The following KCNH6 variants were observed in gnomAD, a reference collection of about 807,000 sequenced individuals.
KCNH6 encodes voltage-gated inwardly rectifying potassium channel KCNH6.
KCNH6 carries 81 observed loss-of-function variants against 83.4 expected under a neutral mutation model. The observed-to-expected ratio is 0.97, with a 90% CI of 0.81 to 1.17. The LOEUF is 1.17. Among genes scored for constraint, KCNH6 ranks in the 50% most tolerant of loss-of-function variants. KCNH6 has a pLI of 0.00. For missense variants in KCNH6, 1,203 were observed against 1,290.5 expected (o/e 0.93, Z 1.04); for synonymous variants, 503 against 545.6 (o/e 0.92, Z 1.09).
chr17:63,542,543 C>T (rs532020402), intron 9 of KCNH6, 109 bp downstream of exon 9: 4 of 926,256 alleles, frequency 4.3e-6, no homozygotes, highest in Non-Finnish European at 6.7e-6. Flanking sequence ...ATCCTGCAAC[C>T]TTTGCCATAA....
In KCNH6 at chr17:63,530,532, A is replaced by T. The variant is rs1464898763; in HGVS notation, c.665A>T (p.Lys222Met). The T allele has an allele frequency of 6.2e-7, 1 of 1,614,004 alleles. No individual in the cohort carries two copies. The highest frequency in any genetic ancestry group is 1.1e-5 in the South Asian group (1 of 91,070). The change falls in exon 4 of 13, where the codon AAG (lysine) becomes ATG (methionine). Residue 222 changes from lysine to methionine, a missense_variant. By Grantham distance (95) the Lys-to-Met change is moderately conservative. Coordinates refer to ENST00000314672, the MANE Select transcript of KCNH6 (RefSeq NM_001278919.2). ...GAGCGGACACAGAACGTCACTGAGA[A>T]GGTCACCCAGGTGCGGGCCTGCAGA... ...VVERTQNVTE[K>M]VTQVLSLGAD... is the part of the protein sequence containing the mutation.
intron 6 of KCNH6, among the ~76,000 whole-genome samples, chr17:63,536,412 G>A (rs1346452113): frequency 6.6e-6 from 1 of 152,216 alleles, no homozygotes; most frequent in Non-Finnish European, 1.5e-5. Context: ...GGACACCAAG[G>A]TGGGTGGGTC....
Position 63,545,186 on chromosome 17 carries a change from C to T in KCNH6, c.2505C>T (p.Asp835=). The change falls in exon 12 of 13, where the codon GAC becomes GAT. Residue 835 remains aspartate (D), a synonymous_variant. Transcript: ENST00000314672. Reference sequence around the variant, plus strand: ...TTCTGGAAGCCCCTGCCTCCAATGACCTGGCCTTGGTTCCTATAGCCTCGG... The same window carrying T: ...TTCTGGAAGCCCCTGCCTCCAATGATCTGGCCTTGGTTCCTATAGCCTCGG... ...SYILEAPASN[D]LALVPIASET... is the part of the protein sequence containing the mutation. 1 of 1,613,868 alleles carries T rather than the reference C, an allele frequency of 6.2e-7. No individual in the cohort carries two copies. The highest frequency in any genetic ancestry group is 8.5e-7 in the Non-Finnish European group (1 of 1,180,034).
In KCNH6 at chr17:63,523,495, T is replaced by A. The variant is rs2031476923; in HGVS notation, c.76+6T>A. The A allele has an allele frequency of 1.9e-6, 3 of 1,587,964 alleles. No homozygotes were observed. The East Asian group carries it at 7.2e-5, about 38-fold the overall frequency. On this transcript the variant is annotated splice_donor_region_variant and intron_variant, in intron 1 of 12. Coordinates refer to ENST00000314672, the MANE Select transcript of KCNH6 (RefSeq NM_001278919.2). The surrounding 1 kb of genome is among the most constrained non-coding windows in gnomAD (Gnocchi z 4.2). ...CCGCAAGTTCGAGGGCCAAAGTGAGTGTGTGTATGTTGGGGCGGGGGGACG... is the reference window on the plus strand; with the variant it reads ...CCGCAAGTTCGAGGGCCAAAGTGAGAGTGTGTATGTTGGGGCGGGGGGACG...
chr17:63,531,593 A>C (rs2032115262), intron 4 of KCNH6, among the ~76,000 whole-genome samples: 1 of 152,204 alleles, frequency 6.6e-6, no homozygotes, highest in Non-Finnish European at 1.5e-5. Context: ...ACCACTCAGC[A>C]CCTCACTGAC....
In KCNH6 at chr17:63,534,212, C is replaced by T. The variant is rs375375839; in HGVS notation, c.1002C>T (p.Pro334=). Residue 334 remains proline (P), a synonymous_variant, in exon 5 of 13, where the codon CCC becomes CCT. Transcript: ENST00000314672. This position sits in a 1 kb window ranked among gnomAD's most constrained non-coding sequence, Gnocchi z 5.0. ...VNTNDEVVSH[P]RRIAVHYFKG... ...CCAATGATGAGGTGGTCAGCCACCC[C>T]CGCCGCATCGCCGTCCACTACTTCA... 22 of 1,614,098 alleles carry T rather than the reference C, an allele frequency of 1.4e-5. No individual in the cohort carries two copies. The Middle Eastern group carries it at 4.9e-4, about 36-fold the overall frequency.
Position 63,523,413 on chromosome 17 carries a change from G to T in KCNH6, c.-1G>T, listed in dbSNP as rs753447413. On this transcript the variant is annotated 5_prime_UTR_variant, in exon 1 of 13. Coordinates refer to ENST00000314672, the MANE Select transcript of KCNH6 (RefSeq NM_001278919.2). The surrounding 1 kb of genome is among the most constrained non-coding windows in gnomAD (Gnocchi z 4.2). The stretch of plus-strand genomic sequence containing the variant: ...CTCCGGGCAGGGGCCGCGGCCGAAA[G>T]ATGCCGGTCCGCAGGGGCCACGTCG... The T allele has an allele frequency of 6.3e-7, 1 of 1,591,928 alleles. No individual in the cohort carries two copies. Among genetic ancestry groups the T allele is most frequent in the Non-Finnish European group, 8.5e-7 (1 of 1,170,366 alleles).
chr17:63,526,191 C>T (rs2031700989), intron 2 of KCNH6, among the ~76,000 whole-genome samples: 1 of 152,096 alleles, frequency 6.6e-6, no homozygotes, highest in South Asian at 2.1e-4. Context: ...ACCTGGTGCC[C>T]CATAAGTCCC....
intron 8 of KCNH6, among the ~76,000 whole-genome samples, chr17:63,540,473 TTATTAA>T (rs2032796700): frequency 6.6e-6 from 1 of 152,088 alleles, no homozygotes; most frequent in Non-Finnish European, 1.5e-5. Context: ...ATGATTATTA[TTATTAA>T]TAATTAAGAA....
At chr17:63,540,429 CTT>C (rs2147713974) in intron 8 of KCNH6, among the ~76,000 whole-genome samples, 1 of 150,142 alleles carries the variant, frequency 6.7e-6, no homozygotes, top group East Asian at 1.9e-4. Context: ...GAGACTCTGT[CTT>C]TAAAAAAAAA....
chr17:63,536,207 A>G, intron 6 of KCNH6, 139 bp downstream of exon 6: 1 of 804,546 alleles, frequency 1.2e-6, no homozygotes, highest in South Asian at 1.7e-5. Flanking sequence ...GTGCAGCACA[A>G]TGAATTTTTG....
In KCNH6 at chr17:63,530,464, C is replaced by A. The variant is rs759011894; in HGVS notation, c.597C>A (p.Ser199Arg). The A allele has an allele frequency of 6.2e-7, 1 of 1,614,116 alleles. No homozygotes were observed. Among genetic ancestry groups the A allele is most frequent in the Non-Finnish European group, 8.5e-7 (1 of 1,180,048 alleles). ...VEFNLEKHRSSSTTEIEIIAP... is the reference protein window; with the variant it reads ...VEFNLEKHRSRSTTEIEIIAP... The stretch of plus-strand genomic sequence containing the variant: ...TCAACTTGGAGAAGCACCGCTCCAG[C>A]TCCACCACGGAGATTGAGATCATCG... Residue 199 changes from serine to arginine, a missense_variant, in exon 4 of 13, where the codon AGC becomes AGA. Transcript: ENST00000314672.
intron 2 of KCNH6, among the ~76,000 whole-genome samples, chr17:63,526,014 A>C (rs752272031): frequency 6.6e-6 from 1 of 152,194 alleles, no homozygotes; most frequent in Non-Finnish European, 1.5e-5. Context: ...AGGTCCCCTC[A>C]GCACCCTGAA....
rs538633109 is a variant in KCNH6 at position 63,538,196 on chromosome 17, C to G, written c.1633C>G (p.Leu545Val). The change falls in exon 7 of 13, where the codon CTG (leucine) becomes GTG (valine). Residue 545 changes from leucine (L) to valine (V), a missense_variant. By Grantham distance (32) the Leu-to-Val change is conservative (BLOSUM62 1). Coordinates refer to ENST00000314672, the MANE Select transcript of KCNH6 (RefSeq NM_001278919.2). This position sits in a 1 kb window ranked among gnomAD's most constrained non-coding sequence, Gnocchi z 4.0. Reference sequence around the variant, plus strand: ...CCGCTTCCACCAGATCCCCAACCCACTGCGCCAGCGCCTGGAGGAGTATTT... The same window carrying G: ...CCGCTTCCACCAGATCCCCAACCCAGTGCGCCAGCGCCTGGAGGAGTATTT... ...FIRFHQIPNP[L>V]RQRLEEYFQH... The G allele has an allele frequency of 1.5e-5, 25 of 1,614,222 alleles. No individual in the cohort carries two copies. The Admixed American group carries it at 3.5e-4, about 23-fold the overall frequency.
chr17:63,527,870 AGGCATGGGGGCAG>A (rs2031821931), intron 2 of KCNH6, among the ~76,000 whole-genome samples: 1 of 152,162 alleles, frequency 6.6e-6, no homozygotes, highest in Non-Finnish European at 1.5e-5. Context: ...AACAGGCCAC[AGGCATGGGGGCAG>A]GGCATGGGGT....
Position 63,546,194 on chromosome 17 carries a change from C to T in KCNH6, c.*292C>T, listed in dbSNP as rs1338829259. Reference sequence around the variant, plus strand: ...GGTGGAGGTTGCAGGGAGCCGAGGCCGCACCACTGCACTCCAGCCTGGGTG... The same window carrying T: ...GGTGGAGGTTGCAGGGAGCCGAGGCTGCACCACTGCACTCCAGCCTGGGTG... On this transcript the variant is annotated 3_prime_UTR_variant, in exon 13 of 13. Transcript: ENST00000314672. 9 of 274,148 alleles carry T rather than the reference C, an allele frequency of 3.3e-5. No homozygotes were observed. The Admixed American group carries it at 3.7e-4, about 11-fold the overall frequency. The allele number at this position is 274,148 out of a possible 1,614,324, so 17.0% of individuals were successfully genotyped here.
chr17:63,540,365 G>A lies in KCNH6; in HGVS notation c.1954+1703G>A, dbSNP rs180724323. Among the ~76,000 whole-genome samples the A allele has an allele frequency of 7.2e-5, 11 of 152,122 alleles. 1 individual carries two copies. Among genetic ancestry groups the A allele is most frequent in the Admixed American group, 5.9e-4 (9 of 15,284 alleles). ...GAGAATTGCTTGAACCCAGGAGGTG[G>A]AAATTGCAGTAAACCAAGATCACGC... On this transcript the variant is annotated intron_variant, in intron 8 of 12. Transcript: ENST00000314672.
intron 4 of KCNH6, among the ~76,000 whole-genome samples, chr17:63,532,534 G>A (rs986226234): frequency 2.0e-5 from 3 of 152,186 alleles, no homozygotes; most frequent in African/African-American, 4.8e-5. Flanking sequence ...ATGTGGAGTC[G>A]GAGGGGGCTT....
chr17:63,532,271 G>T (rs1234110539), intron 4 of KCNH6, among the ~76,000 whole-genome samples: 2 of 152,218 alleles, frequency 1.3e-5, no homozygotes, highest in Non-Finnish European at 2.9e-5. Flanking sequence ...CAGGGTCCTA[G>T]CAGCCCTCAG....
Sources: allele counts gnomAD v4.1 joint callset (sites outside exome capture counted in the v4.1 genomes callset), GRCh38; gene constraint gnomAD v4.1.1; non-coding constraint Gnocchi (gnomAD v3.1); transcripts MANE v1.5; gene names NCBI Gene and HGNC (gene_info 2026-07-23, HGNC 2026-07-21).